EPM2A: variants seen among roughly 807,000 people sequenced by gnomAD.
EPM2A encodes the protein EPM2A glucan phosphatase, laforin.
EPM2A carries 21 observed loss-of-function variants against 26.5 expected under a neutral mutation model. That is an observed-to-expected ratio of 0.79 (90% CI 0.56 to 1.14). The LOEUF is 1.14. EPM2A is among the 50% of genes most tolerant of loss of function. The probability of loss-of-function intolerance (pLI) is 0.00; values close to 1 mark genes in which losing one functional copy is unlikely to be tolerated. For missense variants in EPM2A, 458 were observed against 440.8 expected (o/e 1.04, Z -0.35); for synonymous variants, 217 against 177.6 (o/e 1.22, Z -1.76).
At chr6:145,729,095 G>T (rs1162111770) in intron 1 of EPM2A, among the ~76,000 whole-genome samples, 1 of 152,204 alleles carries the variant, frequency 6.6e-6, no homozygotes. Flanking sequence ...TGCACAGAGG[G>T]CAAGAGTTTA....
At chr6:145,568,309 C>T (rs1780910741) in intron 2 of EPM2A, among the ~76,000 whole-genome samples, 1 of 149,588 alleles carries the variant, frequency 6.7e-6, no homozygotes, top group Non-Finnish European at 1.5e-5. Context: ...GAACAGTAAC[C>T]CAGGACATCT....
chr6:145,695,322 T>C (rs1309165828), intron 1 of EPM2A, among the ~76,000 whole-genome samples: 1 of 151,884 alleles, frequency 6.6e-6, no homozygotes, highest in Admixed American at 6.6e-5. Flanking sequence ...AATAAGGGAT[T>C]CAAGACATAT....
chr6:145,655,317 G>C (rs562364044), intron 2 of EPM2A, among the ~76,000 whole-genome samples: 1 of 152,244 alleles, frequency 6.6e-6, no homozygotes, highest in South Asian at 2.1e-4. Flanking sequence ...GAGAAGTGCA[G>C]GGTAGCTATT....
chr6:145,435,548 G>A (rs989882010), intron 4 of EPM2A, among the ~76,000 whole-genome samples: 1 of 151,222 alleles, frequency 6.6e-6, no homozygotes, highest in African/African-American at 2.4e-5. Flanking sequence ...ATAGGCAACT[G>A]CAGAGAATGT....
intron 2 of EPM2A, among the ~76,000 whole-genome samples, chr6:145,669,036 CAG>C (rs918605725): frequency 2.6e-5 from 4 of 151,982 alleles, no homozygotes; most frequent in Non-Finnish European, 5.9e-5. Flanking sequence ...TTGATACACT[CAG>C]TATTTTTTTC....
intron 4 of EPM2A, among the ~76,000 whole-genome samples, chr6:145,393,177 T>G (rs1044990425): frequency 4.6e-5 from 7 of 152,102 alleles, no homozygotes; most frequent in African/African-American, 1.4e-4. Flanking sequence ...TGAATTGGCT[T>G]TCGTGTTCAA....
chr6:145,427,633 G>T (rs993307996), intron 4 of EPM2A, among the ~76,000 whole-genome samples: 1 of 152,114 alleles, frequency 6.6e-6, no homozygotes, highest in African/African-American at 2.4e-5. Context: ...GATATACAGG[G>T]TCAAGAGTGA....
At chr6:145,457,842 C>G (rs910973420) in intron 4 of EPM2A, among the ~76,000 whole-genome samples, 2 of 152,100 alleles carry the variant, frequency 1.3e-5, no homozygotes, top group Non-Finnish European at 2.9e-5. Flanking sequence ...TAATATGTGT[C>G]AAGATACAGT....
chr6:145,531,119 C>G (rs1168607132), intron 2 of EPM2A, among the ~76,000 whole-genome samples: 5 of 152,136 alleles, frequency 3.3e-5, no homozygotes, highest in African/African-American at 1.2e-4. Flanking sequence ...AAACACAAAT[C>G]TTCTTGGAAG....
intron 2 of EPM2A, among the ~76,000 whole-genome samples, chr6:145,536,141 A>C (rs943724431): frequency 3.8e-4 from 58 of 152,110 alleles, no homozygotes; most frequent in Admixed American, 3.6e-3. Flanking sequence ...GTCCTTTTGG[A>C]GGGGCTTACT....
chr6:145,718,104 A>C (rs199843753), intron 1 of EPM2A, among the ~76,000 whole-genome samples: 79,845 of 150,660 alleles, frequency 0.53, 21,755 homozygotes, highest in East Asian at 0.67. Flanking sequence ...TCTTCACAGA[A>C]TTGGAAAAAA....
intron 2 of EPM2A, among the ~76,000 whole-genome samples, chr6:145,584,014 G>A (rs540508066): frequency 1.3e-5 from 2 of 152,320 alleles, no homozygotes; most frequent in Admixed American, 6.5e-5. Flanking sequence ...TAGCAGGAGT[G>A]GGTGGGGCAG....
At chr6:145,651,733 T>C (rs1296443303) in intron 2 of EPM2A, among the ~76,000 whole-genome samples, 1 of 152,176 alleles carries the variant, frequency 6.6e-6, no homozygotes, top group Non-Finnish European at 1.5e-5. Context: ...TTAACAGTAC[T>C]AAGATATACA....
At chr6:145,727,506 A>AT (rs1194928740) in intron 1 of EPM2A, among the ~76,000 whole-genome samples, 1 of 151,174 alleles carries the variant, frequency 6.6e-6, no homozygotes, top group Non-Finnish European at 1.5e-5. Context: ...TTAGCCCATG[A>AT]TAAAAAAAAA....
intron 2 of EPM2A, among the ~76,000 whole-genome samples, chr6:145,588,368 T>C (rs1185308739): frequency 1.3e-5 from 2 of 152,218 alleles, no homozygotes; most frequent in African/African-American, 4.8e-5. Context: ...GATTAATTCA[T>C]TAGAGAAGAG....
chr6:145,712,914 T>C (rs956093042), intron 1 of EPM2A, among the ~76,000 whole-genome samples: 9 of 152,172 alleles, frequency 5.9e-5, no homozygotes, highest in African/African-American at 2.2e-4. Context: ...TTTTCTTCAG[T>C]TAATAATGTA....
intron 2 of EPM2A, among the ~76,000 whole-genome samples, chr6:145,656,320 C>T (rs901545613): frequency 6.6e-6 from 1 of 152,176 alleles, no homozygotes; most frequent in Non-Finnish European, 1.5e-5. Context: ...CAGCTCAGGC[C>T]AGATGGGAGC....
intron 4 of EPM2A, among the ~76,000 whole-genome samples, chr6:145,419,505 C>A: frequency 6.6e-6 from 1 of 152,138 alleles, no homozygotes; most frequent in African/African-American, 2.4e-5. Context: ...TGTGAATTGC[C>A]TTAAATATAA....
At chr6:145,476,690 C>A (rs1456476289) in intron 4 of EPM2A, among the ~76,000 whole-genome samples, 2 of 151,912 alleles carry the variant, frequency 1.3e-5, no homozygotes, top group Admixed American at 6.6e-5. Flanking sequence ...ATATTATGCT[C>A]CTGAATGACC....
Sources: gnomAD v4.1 joint callset for allele counts (sites outside exome capture counted in the v4.1 genomes callset) on GRCh38, gnomAD v4.1.1 for gene constraint, MANE v1.5 for transcripts, NCBI Gene and HGNC (gene_info 2026-07-23, HGNC 2026-07-21) for gene names.